GRAMD1B: variants seen among roughly 807,000 people sequenced by gnomAD.
GRAMD1B encodes the protein GRAM domain containing 1B.
Under a neutral mutation model 99.7 loss-of-function variants are expected in GRAMD1B, and 37 were observed. The observed-to-expected ratio is 0.37, with a 90% CI of 0.29 to 0.49. The LOEUF is 0.49. GRAMD1B is among the 20% of genes least tolerant of loss of function. The pLI is 0.98. For synonymous variants in GRAMD1B, 427 were observed against 387.6 expected, an observed-to-expected ratio of 1.10 and a Z score of -1.19; for missense variants, 888 against 1,009.2, an observed-to-expected ratio of 0.88 and a Z score of 1.63.
At chr11:123,460,107 T>TA (rs1950341353) in intron 1 of GRAMD1B, 1 of 151,854 alleles carries the variant, frequency 6.6e-6, no homozygotes, top group Non-Finnish European at 1.5e-5. Flanking sequence ...AAACTAAAAA[T>TA]AAATGGTTTG....
intron 1 of GRAMD1B, chr11:123,458,626 A>G (rs547563201): frequency 6.6e-6 from 1 of 152,280 alleles, no homozygotes; most frequent in Admixed American, 6.5e-5. Context: ...AATTTGATGC[A>G]AATCCCTTTT....
intron 2 of GRAMD1B, among the ~76,000 whole-genome samples, chr11:123,566,778 A>G (rs1380835240): frequency 1.3e-5 from 2 of 152,124 alleles, no homozygotes; most frequent in Non-Finnish European, 2.9e-5. Flanking sequence ...AAGCAAAAAA[A>G]AAAAAGGAAA....
chr11:123,594,707 A>C (rs1207556058), intron 5 of GRAMD1B, 28 bp from the exon 6 acceptor site: 1 of 1,197,482 alleles, frequency 8.4e-7, no homozygotes, highest in Non-Finnish European at 1.3e-6. Flanking sequence ...CCTGCCTCTG[A>C]GCTCCCCTAC....
At chr11:123,494,696 T>C (rs1421731435) in intron 2 of GRAMD1B, among the ~76,000 whole-genome samples, 1 of 152,148 alleles carries the variant, frequency 6.6e-6, no homozygotes, top group African/African-American at 2.4e-5. Context: ...GCTGATGCCA[T>C]AGTTGGGATT....
chr11:123,543,860 G>A (rs1416621788), intron 2 of GRAMD1B, among the ~76,000 whole-genome samples: 2 of 152,208 alleles, frequency 1.3e-5, no homozygotes, highest in Non-Finnish European at 2.9e-5. Context: ...TTTACTTGTT[G>A]TCTGTGACTG....
intron 1 of GRAMD1B, among the ~76,000 whole-genome samples, chr11:123,401,254 TC>T (rs1375845801): frequency 4.3e-5 from 2 of 46,856 alleles, no homozygotes; most frequent in Non-Finnish European, 8.6e-5. Context: ...ACTTTGCCCC[TC>T]CCTCTGTCCC....
intron 1 of GRAMD1B, among the ~76,000 whole-genome samples, chr11:123,404,783 C>G (rs1177647718): frequency 6.6e-6 from 1 of 152,242 alleles, no homozygotes; most frequent in East Asian, 1.9e-4. Flanking sequence ...GCCTTGCAGG[C>G]AAGTCGATAC....
At chr11:123,428,781 G>A (rs939564074), upstream of GRAMD1B, among the ~76,000 whole-genome samples, 1 of 152,228 alleles carries the variant, frequency 6.6e-6, no homozygotes, top group Admixed American at 6.5e-5. Context: ...TCCTGGCACG[G>A]AAGCTGGGCA....
Position 123,400,146 on chromosome 11 carries a change from A to G in GRAMD1B, c.-176+41347A>G, listed in dbSNP as rs12786467. Reference sequence around the variant, plus strand: ...TATGGTATCTGAGTCCATTTGGGGTACTGTAACAGAACACCATAGACCGGA... The same window carrying G: ...TATGGTATCTGAGTCCATTTGGGGTGCTGTAACAGAACACCATAGACCGGA... On this transcript the variant is annotated intron_variant, in intron 1 of 20. Transcript: ENST00000638157. 5.3e-5 allele frequency among the ~76,000 whole-genome samples: 8 copies of G among 152,286 alleles called. No individual in the cohort carries two copies. In the East Asian group the frequency reaches 1.4e-3, roughly 26 times the overall value.
At chr11:123,594,223 G>T in intron 5 of GRAMD1B, 57 bp downstream of exon 5, 1 of 1,204,980 alleles carries the variant, frequency 8.3e-7, no homozygotes, top group Non-Finnish European at 1.2e-6. Context: ...CCCCGGCATA[G>T]CACTCAGGGT....
chr11:123,545,483 G>C (rs912722427), intron 2 of GRAMD1B, among the ~76,000 whole-genome samples: 2 of 152,180 alleles, frequency 1.3e-5, no homozygotes, highest in Admixed American at 6.5e-5. Context: ...AATTTGAGCA[G>C]GGTAGCTTCT....
intron 5 of GRAMD1B, 136 bp downstream of exon 5, chr11:123,594,302 C>G: frequency 1.5e-6 from 1 of 672,148 alleles, no homozygotes; most frequent in Admixed American, 2.4e-5. Context: ...GTCCAGACCC[C>G]TGGCCCCAGC....
intron 1 of GRAMD1B, among the ~76,000 whole-genome samples, chr11:123,444,941 C>T (rs181219880): frequency 3.3e-5 from 5 of 152,226 alleles, no homozygotes; most frequent in Admixed American, 3.3e-4. Flanking sequence ...TTGAGGCTCC[C>T]CAGGGGCTGT....
rs142881417 is a variant in GRAMD1B, at chr11:123,554,161, C to A, written c.453-23206C>A. Among the ~76,000 whole-genome samples the A allele has an allele frequency of 1.5e-4, 23 of 152,276 alleles. No individual in the cohort carries two copies. In the East Asian group the frequency reaches 4.2e-3, roughly 28 times the overall value. On this transcript the variant is annotated intron_variant, in intron 2 of 19. Coordinates refer to ENST00000635736, the MANE Select transcript of GRAMD1B (RefSeq NM_001387025.1). ...ACTGAGATGCCTCAGTTTCCTCTTCCATAAAGTAGGGTCAGTGGATAAAAG... is the reference window on the plus strand; with the variant it reads ...ACTGAGATGCCTCAGTTTCCTCTTCAATAAAGTAGGGTCAGTGGATAAAAG...
chr11:123,442,162 G>C (rs1354254972), intron 1 of GRAMD1B, among the ~76,000 whole-genome samples: 1 of 152,154 alleles, frequency 6.6e-6, no homozygotes, highest in African/African-American at 2.4e-5. Flanking sequence ...GCCTGGAGAT[G>C]GTGTCAGATT....
At chr11:123,427,056 G>A (rs1406980949), upstream of GRAMD1B, among the ~76,000 whole-genome samples, 5 of 152,176 alleles carry the variant, frequency 3.3e-5, no homozygotes, top group Admixed American at 2.6e-4. Flanking sequence ...CTGGGGAAGC[G>A]GGGAATGGGG....
chr11:123,611,537 C>T (rs1040274854), intron 14 of GRAMD1B, among the ~76,000 whole-genome samples: 1 of 152,132 alleles, frequency 6.6e-6, no homozygotes. Flanking sequence ...AGCCTTGCTC[C>T]TCTTCCTCCT....
In GRAMD1B at chr11:123,540,240, G is replaced by GT. The variant is rs529661991; in HGVS notation, c.453-37116dup. On this transcript the variant is annotated intron_variant, in intron 2 of 19. Transcript: ENST00000635736. ...ACCACCATACTCAGGTTTTTTGGTT[G>GT]TTTTTTTTTTTGTATTTTTTGTATA... Among the ~76,000 whole-genome samples the GT allele has an allele frequency of 8.8e-3, 1,274 of 143,960 alleles. 16 individuals are homozygous for GT. Among genetic ancestry groups the GT allele is most frequent in the African/African-American group, 0.027 (1,083 of 39,928 alleles). The allele number at this position is 143,960 out of a possible 152,430, so 94.4% of individuals were successfully genotyped here. A position where few individuals can be genotyped will look rare whatever the true frequency, so the allele number is the denominator to read the frequency against.
chr11:123,400,465 GA>G (rs1189695139), intron 1 of GRAMD1B, among the ~76,000 whole-genome samples: 1 of 152,136 alleles, frequency 6.6e-6, no homozygotes. Context: ...CAACAAGAGC[GA>G]AACTCTGTCT....
Sources: allele counts gnomAD v4.1 joint callset (sites outside exome capture counted in the v4.1 genomes callset), GRCh38; gene constraint gnomAD v4.1.1; transcripts MANE v1.5; gene names NCBI Gene and HGNC (gene_info 2026-07-23, HGNC 2026-07-21).